The following FGF12 variants were observed in gnomAD, a reference collection of about 807,000 sequenced individuals.
FGF12 encodes the protein fibroblast growth factor 12B.
A neutral mutation model predicts 23.6 loss-of-function variants in FGF12; 14 were observed. The observed-to-expected ratio is 0.59, with a 90% CI of 0.39 to 0.93. The LOEUF (loss-of-function observed/expected upper bound fraction) is 0.93, where lower values mean the gene tolerates loss of function less well. Ranked by LOEUF, FGF12 falls within the 40% of genes least tolerant of loss-of-function variation. FGF12 has a pLI of 0.00. For synonymous variants in FGF12, 62 were observed against 77.3 expected, an observed-to-expected ratio of 0.80 and a Z score of 1.04; for missense variants, 175 against 217.8, an observed-to-expected ratio of 0.80 and a Z score of 1.24.
intron 2 of FGF12, among the ~76,000 whole-genome samples, chr3:192,471,470 A>G (rs1723171888): frequency 6.6e-6 from 1 of 152,268 alleles, no homozygotes; most frequent in Non-Finnish European, 1.5e-5. Flanking sequence ...TAATGTAATG[A>G]GAAGAAATAA....
intron 2 of FGF12, among the ~76,000 whole-genome samples, chr3:192,694,531 G>C (rs1423286718): frequency 6.6e-6 from 1 of 151,888 alleles, no homozygotes; most frequent in Non-Finnish European, 1.5e-5. Flanking sequence ...AGAAATTGTG[G>C]TGTATATACA....
intron 2 of FGF12, among the ~76,000 whole-genome samples, chr3:192,553,349 G>T (rs532908388): frequency 2.0e-5 from 3 of 151,906 alleles, no homozygotes; most frequent in Non-Finnish European, 4.4e-5. Flanking sequence ...ATGGAAAAGG[G>T]TATAAATATA....
chr3:192,484,614 A>G (rs201264449), intron 2 of FGF12, among the ~76,000 whole-genome samples: 1 of 152,112 alleles, frequency 6.6e-6, no homozygotes, highest in South Asian at 2.1e-4. Context: ...CGGCTGTGAG[A>G]GGTAGTATAG....
chr3:192,414,554 T>C (rs1484516593), intron 2 of FGF12, among the ~76,000 whole-genome samples: 1 of 152,212 alleles, frequency 6.6e-6, no homozygotes. Flanking sequence ...CATCTTCTCA[T>C]GTATTATCTC....
chr3:192,503,201 C>A (rs2108834336), intron 2 of FGF12, among the ~76,000 whole-genome samples: 1 of 152,340 alleles, frequency 6.6e-6, no homozygotes, highest in East Asian at 1.9e-4. Flanking sequence ...ATGAGCCCAG[C>A]TGTCAGGACT....
rs573969494 is a variant in FGF12, at chr3:192,212,300, G to A, written c.229-41644C>T. On this transcript the variant is annotated intron_variant, in intron 4 of 5. Coordinates refer to ENST00000445105, the MANE Select transcript of FGF12 (RefSeq NM_004113.6). Reference sequence around the variant, plus strand: ...AAACAAATATATTGATAATGAATACGAACACTGTCATTTTGCAGCTATGAA... The same window carrying A: ...AAACAAATATATTGATAATGAATACAAACACTGTCATTTTGCAGCTATGAA... Among the ~76,000 whole-genome samples, 11 of 152,168 alleles carry A rather than the reference G, an allele frequency of 7.2e-5. No individual in the cohort carries two copies. The South Asian group carries it at 1.0e-3, about 14-fold the overall frequency.
At chr3:192,293,318 C>T (rs959077650) in intron 4 of FGF12, among the ~76,000 whole-genome samples, 1 of 152,052 alleles carries the variant, frequency 6.6e-6, no homozygotes, top group African/African-American at 2.4e-5. Flanking sequence ...GAAAATTTAC[C>T]TGTTACAATT....
intron 4 of FGF12, among the ~76,000 whole-genome samples, chr3:192,246,855 A>AAGAGAG (rs778432144): frequency 6.7e-6 from 1 of 148,154 alleles, no homozygotes; most frequent in African/African-American, 2.5e-5. Flanking sequence ...AGAGAGAGGA[A>AAGAGAG]AGAGAGAGAG....
At chr3:192,176,107 T>G (rs7611145) in intron 4 of FGF12, among the ~76,000 whole-genome samples, 30,421 of 152,142 alleles carry the variant, frequency 0.2, 4,433 homozygotes, top group African/African-American at 0.4. Context: ...TAATGAATAC[T>G]TGGATAAAAT....
intron 4 of FGF12, among the ~76,000 whole-genome samples, chr3:192,283,758 G>C (rs909241260): frequency 6.6e-6 from 1 of 151,980 alleles, no homozygotes; most frequent in Non-Finnish European, 1.5e-5. Flanking sequence ...GGCTATTTAG[G>C]TTTAAAAGGT....
At chr3:192,521,791 G>C (rs1484789339) in intron 2 of FGF12, among the ~76,000 whole-genome samples, 1 of 151,960 alleles carries the variant, frequency 6.6e-6, no homozygotes, top group Non-Finnish European at 1.5e-5. Context: ...ATTTTATTCA[G>C]CTTGCACATG....
intron 2 of FGF12, among the ~76,000 whole-genome samples, chr3:192,625,864 C>T (rs909899188): frequency 3.9e-5 from 6 of 151,994 alleles, no homozygotes; most frequent in Admixed American, 3.9e-4. Flanking sequence ...CTTTAAAAAC[C>T]TAATACCATG....
At chr3:192,339,530 G>A (rs1717590335) in intron 3 of FGF12, among the ~76,000 whole-genome samples, 1 of 152,134 alleles carries the variant, frequency 6.6e-6, no homozygotes, top group African/African-American at 2.4e-5. Context: ...GCTTCACAGA[G>A]CTTTTTGCCA....
At chr3:192,458,370 C>G (rs1013985031) in intron 2 of FGF12, among the ~76,000 whole-genome samples, 1 of 152,170 alleles carries the variant, frequency 6.6e-6, no homozygotes, top group African/African-American at 2.4e-5. Context: ...TGAAAGCAGC[C>G]AGGAAGGGGA....
In FGF12 at chr3:192,664,604, AC is replaced by A. The variant is rs781403348; in HGVS notation, c.13+62576del. ...TCTCTACTAAAAATACAAAAAAAAT[AC>A]AAAAAAAAAAAAAAGCTGGGCATGG... On this transcript the variant is annotated intron_variant, in intron 2 of 5. Coordinates refer to ENST00000445105, the MANE Select transcript of FGF12 (RefSeq NM_004113.6). Among the ~76,000 whole-genome samples the A allele has an allele frequency of 3.7e-5, 3 of 81,910 alleles. 1 individual carries two copies. Among genetic ancestry groups the A allele is most frequent in the Non-Finnish European group, 5.4e-5 (2 of 37,248 alleles). The allele number at this position is 81,910 out of a possible 152,430, so 53.7% of individuals were successfully genotyped here.
intron 4 of FGF12, among the ~76,000 whole-genome samples, chr3:192,224,983 G>A (rs1718660550): frequency 6.6e-6 from 1 of 151,912 alleles, no homozygotes. Flanking sequence ...GAGGCCCCAG[G>A]ACTTAGCATT....
chr3:192,206,852 C>CCG (rs200579137), intron 4 of FGF12, among the ~76,000 whole-genome samples: 2,877 of 152,210 alleles, frequency 0.019, 114 homozygotes, highest in East Asian at 0.13. Context: ...TGACTCTCAA[C>CCG]CCTCCTGGAG....
At chr3:192,615,658 T>G (rs1401390793) in intron 2 of FGF12, among the ~76,000 whole-genome samples, 1 of 152,050 alleles carries the variant, frequency 6.6e-6, no homozygotes, top group Non-Finnish European at 1.5e-5. Flanking sequence ...GTGCTCAAAA[T>G]ATATATACAA....
chr3:192,512,829 C>CAAATAAAT (rs758561085), intron 2 of FGF12, among the ~76,000 whole-genome samples: 2 of 83,032 alleles, frequency 2.4e-5, no homozygotes, highest in Admixed American at 1.3e-4. Flanking sequence ...AGAGTATACT[C>CAAATAAAT]AAATAAATAT....
Sources: allele counts gnomAD v4.1 joint callset (sites outside exome capture counted in the v4.1 genomes callset), GRCh38; gene constraint gnomAD v4.1.1; transcripts MANE v1.5; gene names NCBI Gene and HGNC (gene_info 2026-07-23, HGNC 2026-07-21).